Variants in HDX observed in about 807,000 individuals in gnomAD.
HDX encodes the protein chromosome X open reading frame 43.
In HDX, 19 loss-of-function variants were observed where a neutral mutation model predicts 45.2. That is an observed-to-expected ratio of 0.42 (90% CI 0.29 to 0.62). The LOEUF (loss-of-function observed/expected upper bound fraction) is 0.62, where lower values mean the gene tolerates loss of function less well. HDX is among the 20% of genes least tolerant of loss of function. The probability of loss-of-function intolerance (pLI) is 0.20; values close to 1 mark genes in which losing one functional copy is unlikely to be tolerated. For missense variants in HDX, 532 were observed against 493.9 expected (o/e 1.08, Z -0.73); for synonymous variants, 188 against 172.8 (o/e 1.09, Z -0.69).
At chrX:84,368,503 T>TATC (rs1164941445) in intron 5 of HDX, among the ~76,000 whole-genome samples, 1 of 112,113 alleles carries the variant, frequency 8.9e-6, no homozygotes, top group African/African-American at 3.2e-5. Context: ...TGAGGTGCAA[T>TATC]ATCAGGTTCT....
chrX:84,414,227 G>A (rs192778423), intron 5 of HDX, among the ~76,000 whole-genome samples: 148 of 111,536 alleles, frequency 1.3e-3, no homozygotes, highest in Non-Finnish European at 2.2e-3. Flanking sequence ...ACAATTTTCA[G>A]ATCTTCCCCT....
chrX:84,354,950 T>TACAC lies in HDX; in HGVS notation c.1452+6515_1452+6516insGTGT, dbSNP rs1569291004. Among the ~76,000 whole-genome samples, 199 of 91,921 alleles carry TACAC rather than the reference T, an allele frequency of 2.2e-3. 2 individuals are homozygous for TACAC. The highest frequency in any genetic ancestry group is 7.6e-3 in the African/African-American group (195 of 25,584). 79.8% of individuals were successfully genotyped at this position (91,921 alleles called of 115,157 possible). A position where few individuals can be genotyped will look rare whatever the true frequency, so the allele number is the denominator to read the frequency against. On this transcript the variant is annotated intron_variant, in intron 6 of 10. Transcript: ENST00000373177. ...ACACACATATATATATATATATATA[T>TACAC]ATATATATATATATATATATATACA...
At chrX:84,470,821 T>A (rs1053052046) in intron 3 of HDX, among the ~76,000 whole-genome samples, 16 of 111,360 alleles carry the variant, frequency 1.4e-4, no homozygotes, top group African/African-American at 5.2e-4. Context: ...AATTCCAAAA[T>A]GCATACCATA....
At position 84,318,486 on chromosome X, in the gene HDX, T is replaced by C. The variant is rs2036540237; in HGVS notation, c.*3403A>G. The C allele has an allele frequency of 9.0e-6, 1 of 111,191 alleles. No individual in the cohort carries two copies. Among genetic ancestry groups the C allele is most frequent in the South Asian group, 3.7e-4 (1 of 2,709 alleles). The allele number at this position is 111,191 out of a possible 1,213,427, so 9.2% of individuals were successfully genotyped here. Reference sequence around the variant, plus strand: ...AGGGCAGGAGTTAAAGTTTTCAGAATGTCTTTTAAAAAGGATCACAAAATA... The same window carrying C: ...AGGGCAGGAGTTAAAGTTTTCAGAACGTCTTTTAAAAAGGATCACAAAATA... On this transcript the variant is annotated 3_prime_UTR_variant, in exon 11 of 11. Transcript: ENST00000373177.
intron 5 of HDX, chrX:84,403,893 A>T (rs2038759794): frequency 9.0e-6 from 1 of 111,647 alleles, no homozygotes; most frequent in African/African-American, 3.3e-5. Context: ...ACACTTACTA[A>T]GTCAGAACAA....
intron 5 of HDX, among the ~76,000 whole-genome samples, chrX:84,373,178 T>C (rs2037940904): frequency 9.0e-6 from 1 of 111,501 alleles, no homozygotes; most frequent in South Asian, 3.7e-4. Context: ...AAACAGGATG[T>C]GCCTAACTTA....
At chrX:84,333,245 C>T (rs1436898127) in intron 9 of HDX, among the ~76,000 whole-genome samples, 1 of 111,195 alleles carries the variant, frequency 9.0e-6, no homozygotes, top group Non-Finnish European at 1.9e-5. Flanking sequence ...TCAAAGGCAG[C>T]TTTTCAATTT....
At chrX:84,476,658 A>T (rs2040562095) in intron 2 of HDX, among the ~76,000 whole-genome samples, 1 of 111,286 alleles carries the variant, frequency 9.0e-6, no homozygotes, top group African/African-American at 3.3e-5. Flanking sequence ...ACCAGACAGA[A>T]ATTTTTCCAG....
intron 6 of HDX, among the ~76,000 whole-genome samples, chrX:84,359,424 T>C (rs1320683013): frequency 2.7e-5 from 3 of 110,436 alleles, no homozygotes; most frequent in Non-Finnish European, 5.7e-5. Flanking sequence ...CTCCTACTTA[T>C]AAGTGAGAAC....
chrX:84,348,404 T>A (rs1253801124), intron 6 of HDX, among the ~76,000 whole-genome samples: 1 of 111,924 alleles, frequency 8.9e-6, no homozygotes, highest in Non-Finnish European at 1.9e-5. Context: ...CCTTAGCATG[T>A]TAATCATAGT....
chrX:84,488,324 A>AC (rs2040834177), intron 1 of HDX, among the ~76,000 whole-genome samples, 192 bp from the exon 2 acceptor site: 15 of 94,875 alleles, frequency 1.6e-4, no homozygotes, highest in Non-Finnish European at 2.8e-4. Flanking sequence ...TAAAATCTAA[A>AC]ACACACACAC....
intron 6 of HDX, among the ~76,000 whole-genome samples, chrX:84,353,306 A>C (rs762577929): frequency 1.8e-5 from 2 of 111,398 alleles, no homozygotes; most frequent in African/African-American, 6.5e-5. Flanking sequence ...TTAACGTGTT[A>C]AAATCCTAAC....
chrX:84,414,636 C>T (rs986058808), intron 5 of HDX, among the ~76,000 whole-genome samples: 1 of 111,832 alleles, frequency 8.9e-6, no homozygotes, highest in Non-Finnish European at 1.9e-5. Context: ...CACACCATAA[C>T]ATTTTCCCTT....
chrX:84,464,909 T>G (rs990775274), intron 4 of HDX, among the ~76,000 whole-genome samples: 1 of 110,817 alleles, frequency 9.0e-6, no homozygotes, highest in African/African-American at 3.3e-5. Context: ...TGGGAGAAAA[T>G]TTTTGCAATC....
chrX:84,422,562 C>T (rs1341604499), intron 5 of HDX, among the ~76,000 whole-genome samples: 1 of 108,359 alleles, frequency 9.2e-6, no homozygotes, highest in Admixed American at 9.9e-5. Flanking sequence ...AAGAGCAAAC[C>T]AAACCCAAAA....
chrX:84,405,271 A>G (rs2038792454), intron 5 of HDX, among the ~76,000 whole-genome samples: 1 of 110,366 alleles, frequency 9.1e-6, no homozygotes, highest in African/African-American at 3.3e-5. Flanking sequence ...CTAAAGTCCT[A>G]ACTAAATATT....
At chrX:84,458,244 C>G (rs1343921268) in intron 4 of HDX, among the ~76,000 whole-genome samples, 2 of 109,502 alleles carry the variant, frequency 1.8e-5, no homozygotes, top group African/African-American at 3.3e-5. Context: ...AAATTTAGTT[C>G]AATCCCCCAG....
In HDX at chrX:84,354,950, T is replaced by C. The variant is rs867693845; in HGVS notation, c.1452+6516A>G. Among the ~76,000 whole-genome samples, 762 of 91,897 alleles carry C rather than the reference T, an allele frequency of 8.3e-3. 17 individuals are homozygous for C. Among genetic ancestry groups the C allele is most frequent in the South Asian group, 0.029 (52 of 1,811 alleles). The allele number at this position is 91,897 out of a possible 115,157, so 79.8% of individuals were successfully genotyped here. ...ACACACATATATATATATATATATA[T>C]ATATATATATATATATATATATACA... On this transcript the variant is annotated intron_variant, in intron 6 of 10. Coordinates refer to ENST00000373177, the MANE Select transcript of HDX (RefSeq NM_001177479.2).
intron 3 of HDX, among the ~76,000 whole-genome samples, chrX:84,473,774 A>G (rs1041337017): frequency 2.7e-5 from 3 of 110,817 alleles, no homozygotes; most frequent in African/African-American, 9.9e-5. Context: ...ACAAGAAAAA[A>G]GAAAAAAAAA....
Sources: gnomAD v4.1 joint callset for allele counts (sites outside exome capture counted in the v4.1 genomes callset) on GRCh38, gnomAD v4.1.1 for gene constraint, MANE v1.5 for transcripts, NCBI Gene and HGNC (gene_info 2026-07-23, HGNC 2026-07-21) for gene names.